TSHR: variants seen among roughly 807,000 people sequenced by gnomAD.
TSHR encodes thyrotropin receptor.
In TSHR, 51 loss-of-function variants were observed where a neutral mutation model predicts 64.1. That is an observed-to-expected ratio of 0.80 (90% CI 0.64 to 1.01). The LOEUF is 1.01. Ranked by LOEUF, TSHR falls within the 50% of genes least tolerant of loss-of-function variation. The probability of loss-of-function intolerance (pLI) is 0.00; values close to 1 mark genes in which losing one functional copy is unlikely to be tolerated. For synonymous variants in TSHR, 361 were observed against 361.9 expected, an observed-to-expected ratio of 1.00 and a Z score of 0.03; for missense variants, 877 against 942.8, an observed-to-expected ratio of 0.93 and a Z score of 0.91.
At chr14:81,133,287 G>C (rs1166898909) in intron 8 of TSHR, among the ~76,000 whole-genome samples, 2 of 152,190 alleles carry the variant, frequency 1.3e-5, no homozygotes, top group Admixed American at 6.5e-5. Flanking sequence ...AGACAGGTGA[G>C]AGCCCATCCA....
intron 1 of TSHR, 57 bp downstream of exon 1, chr14:80,955,907 T>G: frequency 6.2e-7 from 1 of 1,610,310 alleles, no homozygotes; most frequent in East Asian, 2.2e-5. Flanking sequence ...TCTGCAGAGG[T>G]GGCCCGAAGT....
intron 1 of TSHR, among the ~76,000 whole-genome samples, chr14:81,047,141 A>G (rs1885202184): frequency 6.6e-6 from 1 of 152,244 alleles, no homozygotes; most frequent in South Asian, 2.1e-4. Context: ...CATAGTGGGT[A>G]GAAAATATGT....
intron 1 of TSHR, among the ~76,000 whole-genome samples, chr14:80,977,243 T>C (rs144020085): frequency 1.1e-4 from 17 of 152,334 alleles, no homozygotes; most frequent in Non-Finnish European, 1.9e-4. Flanking sequence ...CAAACAGTTA[T>C]CTAGAATAAA....
At chr14:81,112,144 C>G (rs930948208) in intron 8 of TSHR, among the ~76,000 whole-genome samples, 1 of 152,126 alleles carries the variant, frequency 6.6e-6, no homozygotes, top group African/African-American at 2.4e-5. Context: ...GGAGTTGACT[C>G]CCAGCCCCAT....
At chr14:81,035,032 A>G (rs1440864749) in intron 1 of TSHR, among the ~76,000 whole-genome samples, 2 of 152,148 alleles carry the variant, frequency 1.3e-5, no homozygotes, top group South Asian at 2.1e-4. Flanking sequence ...AAAAACAGGG[A>G]GGGTGCAAAG....
chr14:81,018,528 G>C (rs1883550381), intron 1 of TSHR, among the ~76,000 whole-genome samples: 2 of 152,218 alleles, frequency 1.3e-5, no homozygotes, highest in Non-Finnish European at 2.9e-5. Context: ...GGTAAGTGCT[G>C]TGTGGGGGAC....
chr14:81,108,876 G>T (rs978125703), intron 8 of TSHR: 11 of 1,445,194 alleles, frequency 7.6e-6, no homozygotes, highest in Non-Finnish European at 6.3e-6. Context: ...ATGATAGTTC[G>T]ACTCGTCTGT....
intron 1 of TSHR, among the ~76,000 whole-genome samples, chr14:80,965,020 CA>C (rs1185752126): frequency 3.3e-5 from 5 of 152,110 alleles, no homozygotes; most frequent in African/African-American, 1.2e-4. Flanking sequence ...AGAAAGTGTC[CA>C]GGGGAAGAAG....
chr14:81,134,562 G>A (rs933880502), intron 8 of TSHR, among the ~76,000 whole-genome samples: 2 of 152,074 alleles, frequency 1.3e-5, no homozygotes, highest in African/African-American at 4.8e-5. Flanking sequence ...CAAAAATACG[G>A]CAATAAACAG....
intron 3 of TSHR, among the ~76,000 whole-genome samples, chr14:81,086,046 G>A (rs1219072840): frequency 6.6e-6 from 1 of 152,196 alleles, no homozygotes; most frequent in African/African-American, 2.4e-5. Flanking sequence ...TCCATGCAGG[G>A]TCTTGTTTAG....
At chr14:81,106,859 C>T (rs890374625) in intron 7 of TSHR, among the ~76,000 whole-genome samples, 9 of 150,150 alleles carry the variant, frequency 6.0e-5, no homozygotes, top group Non-Finnish European at 1.0e-4. Context: ...GCAGGACAAT[C>T]GCTTGAACCC....
At chr14:81,037,360 A>G (rs1030146884) in intron 1 of TSHR, among the ~76,000 whole-genome samples, 1 of 151,826 alleles carries the variant, frequency 6.6e-6, no homozygotes, top group East Asian at 1.9e-4. Flanking sequence ...TCACTACAAA[A>G]AAAATCACCA....
At chr14:81,080,956 A>G (rs1266716517) in intron 3 of TSHR, among the ~76,000 whole-genome samples, 1 of 152,220 alleles carries the variant, frequency 6.6e-6, no homozygotes, top group Non-Finnish European at 1.5e-5. Flanking sequence ...TTTCGGAGTT[A>G]ATTATTTATA....
intron 3 of TSHR, among the ~76,000 whole-genome samples, chr14:81,080,005 T>G (rs1887785839): frequency 6.6e-6 from 1 of 152,104 alleles, no homozygotes; most frequent in Non-Finnish European, 1.5e-5. Flanking sequence ...CAGGCTGGAG[T>G]GCAGTGGTGC....
At chr14:80,969,798 A>G (rs1038242976) in intron 1 of TSHR, among the ~76,000 whole-genome samples, 1 of 152,254 alleles carries the variant, frequency 6.6e-6, no homozygotes, top group Non-Finnish European at 1.5e-5. Context: ...TTAACGTGAG[A>G]CACAAAGGTC....
chr14:81,032,950 A>G, intron 1 of TSHR: 1 of 361,194 alleles, frequency 2.8e-6, no homozygotes, highest in Non-Finnish European at 5.4e-6. Flanking sequence ...TAGTCAAAAG[A>G]GATCCCTAGA....
intron 9 of TSHR, among the ~76,000 whole-genome samples, 194 bp downstream of exon 9, chr14:81,140,061 A>G (rs1367689453): frequency 6.6e-6 from 1 of 152,174 alleles, no homozygotes; most frequent in Non-Finnish European, 1.5e-5. Context: ...GAAATAAGGC[A>G]ATTGCTGCTG....
At chr14:81,083,074 C>T (rs141864535) in intron 3 of TSHR, among the ~76,000 whole-genome samples, 160 of 152,206 alleles carry the variant, frequency 1.1e-3, no homozygotes, top group East Asian at 7.7e-3. Context: ...AGTGTTTTCC[C>T]CTTCTTCTGT....
intron 3 of TSHR, among the ~76,000 whole-genome samples, chr14:81,077,130 G>C (rs918165850): frequency 2.6e-5 from 4 of 151,966 alleles, no homozygotes; most frequent in Non-Finnish European, 5.9e-5. Flanking sequence ...CTGCATCTAA[G>C]TTAGATCCCC....
Sources: allele counts gnomAD v4.1 joint callset (sites outside exome capture counted in the v4.1 genomes callset), GRCh38; gene constraint gnomAD v4.1.1; transcripts MANE v1.5; gene names NCBI Gene and HGNC (gene_info 2026-07-23, HGNC 2026-07-21).